Variants in LCA5L observed in about 807,000 individuals in gnomAD.
The protein encoded by LCA5L is lebercilin LCA5 like.
LCA5L carries 35 observed loss-of-function variants against 45.4 expected under a neutral mutation model. That is an observed-to-expected ratio of 0.77 (90% CI 0.59 to 1.02). The LOEUF is 1.02. Among genes scored for constraint, LCA5L ranks in the 50% least tolerant of loss-of-function variants. The pLI, the probability that LCA5L is intolerant of heterozygous loss-of-function variation, is 0.00. For missense variants in LCA5L, 668 were observed against 761.6 expected (o/e 0.88, Z 1.45); for synonymous variants, 233 against 264.7 (o/e 0.88, Z 1.16).
At chr21:39,414,536 G>A (rs2040698054) in intron 7 of LCA5L, among the ~76,000 whole-genome samples, 1 of 152,114 alleles carries the variant, frequency 6.6e-6, no homozygotes, top group Admixed American at 6.5e-5. Flanking sequence ...GAATTCCCAC[G>A]ACAAGATTTC....
chr21:39,416,157 G>A (rs2837017), intron 7 of LCA5L, among the ~76,000 whole-genome samples: 34,970 of 152,056 alleles, frequency 0.23, 4,371 homozygotes, highest in African/African-American at 0.33. Flanking sequence ...CTGAGGAGTC[G>A]TTCATACAGG....
intron 5 of LCA5L, among the ~76,000 whole-genome samples, chr21:39,426,990 G>A (rs1211187027): frequency 6.6e-6 from 1 of 152,228 alleles, no homozygotes; most frequent in African/African-American, 2.4e-5. Flanking sequence ...TCACAGACAT[G>A]TGTCTTAGAT....
At chr21:39,438,795 C>T (rs186527631) in intron 2 of LCA5L, 1 of 152,198 alleles carries the variant, frequency 6.6e-6, no homozygotes, top group Non-Finnish European at 1.5e-5. Flanking sequence ...ACTGATAATG[C>T]ATATTATAAA....
rs367971373 is a variant in LCA5L at position 39,420,761 on chromosome 21, T to A, written c.920A>T (p.Gln307Leu). The A allele has an allele frequency of 2.2e-5, 35 of 1,613,746 alleles. No homozygotes were observed. The East Asian group carries it at 6.9e-4, about 32-fold the overall frequency. Reference sequence around the variant, plus strand: ...CACCTGCAGAGTCTTGGTAGCTGTCTGAGCTGCTAAAGTCTTCCGAGTCTC... The same window carrying A: ...CACCTGCAGAGTCTTGGTAGCTGTCAGAGCTGCTAAAGTCTTCCGAGTCTC... ...AIETRKTLAA[Q>L]TATKTLQVEV... The change falls in exon 7 of 11, where the codon CAG becomes CTG. Residue 307 changes from glutamine (Q) to leucine (L), a missense_variant. Transcript: ENST00000288350.
At chr21:39,440,184 A>T (rs944941958) in intron 2 of LCA5L, among the ~76,000 whole-genome samples, 1 of 152,158 alleles carries the variant, frequency 6.6e-6, no homozygotes, top group Non-Finnish European at 1.5e-5. Flanking sequence ...TTCTCCACTA[A>T]ATACCATTCT....
intron 7 of LCA5L, among the ~76,000 whole-genome samples, chr21:39,418,608 C>A: frequency 6.6e-6 from 1 of 152,110 alleles, no homozygotes; most frequent in African/African-American, 2.4e-5. Flanking sequence ...TCAAGCAATT[C>A]TCCTGCCTCA....
chr21:39,417,032 A>G (rs2041307369), intron 7 of LCA5L, among the ~76,000 whole-genome samples: 1 of 151,090 alleles, frequency 6.6e-6, no homozygotes, highest in Admixed American at 6.6e-5. Context: ...ATTTAGGGAT[A>G]GCTTTTTATT....
intron 3 of LCA5L, 45 bp from the exon 4 acceptor site, chr21:39,429,256 C>G (rs2075382530): frequency 6.6e-6 from 1 of 152,114 alleles, no homozygotes; most frequent in South Asian, 2.1e-4. Flanking sequence ...GGCATTAGAT[C>G]CTTTGCAATA....
At chr21:39,442,370 G>T (rs775977826) in intron 2 of LCA5L, among the ~76,000 whole-genome samples, 16 of 152,126 alleles carry the variant, frequency 1.1e-4, no homozygotes, top group Non-Finnish European at 1.5e-4. Context: ...TTATGATGTG[G>T]ATCATTAATC....
rs761630500 is a variant in LCA5L at position 39,410,342 on chromosome 21, T to G, written c.1086A>C (p.Ala362=). 1 of 1,604,506 alleles carries G rather than the reference T, an allele frequency of 6.2e-7. No individual in the cohort carries two copies. The highest frequency in any genetic ancestry group is 2.2e-5 in the East Asian group (1 of 44,728). ...TTGTGAATGGCAAAATTTTTCTGTC[T>G]GCTTGGACTGATTTTGTTGAAGAAA... ...PKVSSTKSVQ[A]DRKILPFTSM... is the part of the protein sequence containing the mutation. The change falls in exon 9 of 11, where the codon GCA becomes GCC. Residue 362 remains alanine, a synonymous_variant. Coordinates refer to ENST00000288350, the MANE Select transcript of LCA5L (RefSeq NM_152505.4).
At chr21:39,415,114 C>A (rs879474186) in intron 7 of LCA5L, among the ~76,000 whole-genome samples, 1 of 152,050 alleles carries the variant, frequency 6.6e-6, no homozygotes, top group Non-Finnish European at 1.5e-5. Flanking sequence ...GTTGCCTTGG[C>A]TGGTCTTGAC....
Position 39,409,371 on chromosome 21 carries a change from G to A in LCA5L, c.1282+608C>T, listed in dbSNP as rs113495662. Among the ~76,000 whole-genome samples, 664 of 152,146 alleles carry A rather than the reference G, an allele frequency of 4.4e-3. 7 individuals carry two copies. The highest frequency in any genetic ancestry group is 0.016 in the African/African-American group (644 of 41,494). On this transcript the variant is annotated intron_variant, in intron 10 of 10. Coordinates refer to ENST00000288350, the MANE Select transcript of LCA5L (RefSeq NM_152505.4). This position sits in a 1 kb window ranked among gnomAD's most constrained non-coding sequence, Gnocchi z 4.2. Reference sequence around the variant, plus strand: ...GTGGTATTTTCTTATGGCAGCCCAAGCAGACGAATGTAGCTACATATAAAG... The same window carrying A: ...GTGGTATTTTCTTATGGCAGCCCAAACAGACGAATGTAGCTACATATAAAG...
Position 39,423,268 on chromosome 21 carries a change from T to C in LCA5L, c.545A>G (p.His182Arg), listed in dbSNP as rs752466071. 17 of 1,609,756 alleles carry C rather than the reference T, an allele frequency of 1.1e-5. No homozygotes were observed. The highest frequency in any genetic ancestry group is 5.1e-5 in the Admixed American group (3 of 59,262). The change falls in exon 6 of 11, where the codon CAT (histidine) becomes CGT (arginine). Residue 182 changes from histidine (H) to arginine (R), a missense_variant. Transcript: ENST00000288350. ...CTCATATTTTCCTATAGCTTTCAAA[T>C]GCCTAAGCTGAAGTTGTTTCAAAAA... is the stretch of plus-strand genomic sequence containing the variant. The part of the protein sequence containing the change: ...NQFLKQLQLR[H>R]LKAIGKYENS...
chr21:39,440,528 C>T (rs1260179616), intron 2 of LCA5L, among the ~76,000 whole-genome samples: 1 of 151,986 alleles, frequency 6.6e-6, no homozygotes, highest in Non-Finnish European at 1.5e-5. Context: ...AGAGTGAGAC[C>T]CTGTCTCAAA....
chr21:39,442,317 C>T (rs1448316421), intron 2 of LCA5L, among the ~76,000 whole-genome samples: 2 of 152,146 alleles, frequency 1.3e-5, no homozygotes, highest in African/African-American at 4.8e-5. Flanking sequence ...AGTCTTGAGA[C>T]GCAGGCGGGG....
At chr21:39,435,203 G>A (rs765983308) in intron 3 of LCA5L, among the ~76,000 whole-genome samples, 40 of 152,108 alleles carry the variant, frequency 2.6e-4, no homozygotes, top group African/African-American at 9.4e-4. Flanking sequence ...ACGTTTTCCC[G>A]GAATGCACTA....
chr21:39,420,754 A>G lies in LCA5L; in HGVS notation c.927T>C (p.Ala309=), dbSNP rs374211270. The change falls in exon 7 of 11, where the codon GCT becomes GCC. Residue 309 remains alanine (A), a synonymous_variant. Coordinates refer to ENST00000288350, the MANE Select transcript of LCA5L (RefSeq NM_152505.4). ...ETRKTLAAQT[A]TKTLQVEVKH... is the part of the protein sequence containing the mutation. The stretch of plus-strand genomic sequence containing the variant: ...TTACTTCCACCTGCAGAGTCTTGGT[A>G]GCTGTCTGAGCTGCTAAAGTCTTCC... 9 of 1,613,594 alleles carry G rather than the reference A, an allele frequency of 5.6e-6. No individual in the cohort carries two copies. The highest frequency in any genetic ancestry group is 7.6e-6 in the Non-Finnish European group (9 of 1,179,552).
intron 8 of LCA5L, chr21:39,410,696 C>A: frequency 2.6e-6 from 1 of 386,500 alleles, no homozygotes; most frequent in Admixed American, 3.3e-5. Context: ...ACCGAGCTAT[C>A]CTGTGGCGGA....
Position 39,428,391 on chromosome 21 carries a change from TG to T in LCA5L, c.102del (p.Thr35GlnfsTer27). ...RRSAACKRSP[G>X]TGDFSRNSNA... Reference sequence around the variant, plus strand: ...TTACTGTTCCGTGAAAAATCGCCTGTGCCTGGGCTTCTCTTGCATGCTGCAG... The same window carrying T: ...TTACTGTTCCGTGAAAAATCGCCTGTCCTGGGCTTCTCTTGCATGCTGCAG... On this transcript the variant is annotated frameshift_variant, in exon 5 of 11. Transcript: ENST00000288350. LOFTEE classifies it high-confidence loss of function. 6.2e-7 allele frequency: 1 copy of T among 1,613,386 alleles called. No individual in the cohort carries two copies.
Sources: gnomAD v4.1 joint callset for allele counts (sites outside exome capture counted in the v4.1 genomes callset) on GRCh38, gnomAD v4.1.1 for gene constraint, Gnocchi (gnomAD v3.1) non-coding constraint, MANE v1.5 for transcripts, NCBI Gene and HGNC (gene_info 2026-07-23, HGNC 2026-07-21) for gene names.